Variants in NDST4 observed in about 807,000 individuals in gnomAD.
NDST4 encodes the protein N-deacetylase and N-sulfotransferase 4.
NDST4 carries 63 observed loss-of-function variants against 100.8 expected under a neutral mutation model. The ratio of observed to expected loss-of-function variants is 0.62; its 90% CI spans 0.51 to 0.77. The LOEUF (loss-of-function observed/expected upper bound fraction) is 0.77, where lower values mean the gene tolerates loss of function less well. Among genes scored for constraint, NDST4 ranks in the 30% least tolerant of loss-of-function variants. NDST4 has a pLI of 0.00. For synonymous variants in NDST4, 377 were observed against 361.8 expected (o/e 1.04, Z -0.48); for missense variants, 943 against 1,018.4 (o/e 0.93, Z 1.01).
intron 2 of NDST4, among the ~76,000 whole-genome samples, chr4:115,045,156 C>G (rs1227367095): frequency 6.6e-6 from 1 of 151,984 alleles, no homozygotes; most frequent in East Asian, 1.9e-4. Flanking sequence ...TTTGCATCCT[C>G]AGTCTTAGGG....
At chr4:114,989,583 C>T (rs1419665634) in intron 2 of NDST4, among the ~76,000 whole-genome samples, 1 of 152,038 alleles carries the variant, frequency 6.6e-6, no homozygotes, top group Non-Finnish European at 1.5e-5. Flanking sequence ...GAGTTTTGAG[C>T]AGATACATAA....
intron 4 of NDST4, among the ~76,000 whole-genome samples, chr4:114,954,132 T>A (rs1726083306): frequency 6.6e-6 from 1 of 152,164 alleles, no homozygotes; most frequent in Admixed American, 6.5e-5. Flanking sequence ...TTTTCACTGC[T>A]CTGTCTTCCA....
At chr4:115,004,440 C>T (rs552262112) in intron 2 of NDST4, among the ~76,000 whole-genome samples, 43 of 152,250 alleles carry the variant, frequency 2.8e-4, no homozygotes, top group African/African-American at 9.9e-4. Context: ...ACTGCTTTTG[C>T]AGCTGGCTCA....
chr4:114,926,673 G>A (rs2126221311), intron 6 of NDST4, among the ~76,000 whole-genome samples: 1 of 152,190 alleles, frequency 6.6e-6, no homozygotes, highest in African/African-American at 2.4e-5. Flanking sequence ...CAAACTGAGT[G>A]CTGAAGAAAT....
At chr4:114,836,918 T>A (rs898571613) in intron 11 of NDST4, among the ~76,000 whole-genome samples, 2 of 152,144 alleles carry the variant, frequency 1.3e-5, no homozygotes, top group Non-Finnish European at 2.9e-5. Context: ...CGGCTATTGA[T>A]ACTTGTGTAT....
At chr4:114,981,311 A>G (rs1229443794) in intron 2 of NDST4, among the ~76,000 whole-genome samples, 1 of 152,144 alleles carries the variant, frequency 6.6e-6, no homozygotes, top group Non-Finnish European at 1.5e-5. Context: ...GCCCCTATAT[A>G]GCTACATACT....
chr4:114,939,366 CT>C (rs2126227051), intron 4 of NDST4, among the ~76,000 whole-genome samples: 1 of 152,224 alleles, frequency 6.6e-6, no homozygotes, highest in African/African-American at 2.4e-5. Flanking sequence ...TGTTATCCTC[CT>C]TTTTACTCTC....
chr4:115,024,660 A>AG (rs1727941827), intron 2 of NDST4, among the ~76,000 whole-genome samples: 2 of 151,996 alleles, frequency 1.3e-5, no homozygotes, highest in Non-Finnish European at 2.9e-5. Flanking sequence ...TTCAGATGAG[A>AG]CTCTACTTCT....
chr4:114,990,403 G>A (rs1727011791), intron 2 of NDST4, among the ~76,000 whole-genome samples: 1 of 151,914 alleles, frequency 6.6e-6, no homozygotes, highest in African/African-American at 2.4e-5. Context: ...TCTTTGTATT[G>A]TATAAATGAA....
At position 115,009,530 on chromosome 4, in the gene NDST4, T is replaced by G. The variant is rs1195563702; in HGVS notation, c.979-32256A>C. Among the ~76,000 whole-genome samples, 5 of 121,852 alleles carry G rather than the reference T, an allele frequency of 4.1e-5. 2 individuals are homozygous for G. Among genetic ancestry groups the G allele is most frequent in the African/African-American group, 1.6e-4 (5 of 31,110 alleles). The allele number at this position is 121,852 out of a possible 152,430, so 79.9% of individuals were successfully genotyped here. On this transcript the variant is annotated intron_variant, in intron 2 of 13. Transcript: ENST00000264363. ...CCTTCCTTACACCTTATACAAAAAT[T>G]AATTCAAGATGGATTAAAGACTTAA... is the stretch of plus-strand genomic sequence containing the variant.
chr4:115,089,840 C>T (rs1003925557), intron 1 of NDST4, among the ~76,000 whole-genome samples: 4 of 151,790 alleles, frequency 2.6e-5, no homozygotes, highest in African/African-American at 9.7e-5. Flanking sequence ...CAAATTATCT[C>T]TAAGTTTACT....
intron 1 of NDST4, among the ~76,000 whole-genome samples, chr4:115,093,949 A>G (rs970712379): frequency 1.3e-4 from 20 of 152,034 alleles, no homozygotes; most frequent in Admixed American, 1.0e-3. Context: ...TCAGATATTC[A>G]GATAAGAAAT....
intron 1 of NDST4, among the ~76,000 whole-genome samples, chr4:115,077,617 A>C (rs1578505190): frequency 6.6e-6 from 1 of 152,334 alleles, no homozygotes; most frequent in Middle Eastern, 3.4e-3. Flanking sequence ...AGTTACCATA[A>C]AACTATTCTA....
intron 3 of NDST4, among the ~76,000 whole-genome samples, chr4:114,972,398 T>G (rs279525): frequency 6.6e-6 from 1 of 151,814 alleles, no homozygotes; most frequent in Non-Finnish European, 1.5e-5. Context: ...TACACAGAGT[T>G]AAGAAATTCT....
intron 2 of NDST4, among the ~76,000 whole-genome samples, chr4:115,058,960 T>C (rs1339712102): frequency 1.3e-5 from 2 of 149,122 alleles, no homozygotes; most frequent in Non-Finnish European, 3.0e-5. Context: ...TAGCTGAAAC[T>C]GTGGAAAGAG....
In NDST4 at chr4:115,032,840, T is replaced by A. The variant is rs1230781513; in HGVS notation, c.978+43219A>T. On this transcript the variant is annotated intron_variant, in intron 2 of 13. Coordinates refer to ENST00000264363, the MANE Select transcript of NDST4 (RefSeq NM_022569.3). ...GTTGGAAGATGACTAATGATGTGTTTTGAGTTTCCCAAGACATACTGTTTT... is the reference window on the plus strand; with the variant it reads ...GTTGGAAGATGACTAATGATGTGTTATGAGTTTCCCAAGACATACTGTTTT... Among the ~76,000 whole-genome samples the A allele has an allele frequency of 2.0e-5, 3 of 151,996 alleles. No homozygotes were observed. The East Asian group carries it at 5.8e-4, about 29-fold the overall frequency.
chr4:114,905,014 GC>G (rs1436947152), intron 6 of NDST4, among the ~76,000 whole-genome samples: 2 of 151,778 alleles, frequency 1.3e-5, no homozygotes, highest in African/African-American at 4.8e-5. Context: ...ATCAAACCAG[GC>G]TGAAAAATGA....
At chr4:114,966,071 T>G (rs763680814) in intron 4 of NDST4, among the ~76,000 whole-genome samples, 16 of 152,046 alleles carry the variant, frequency 1.1e-4, no homozygotes, top group Non-Finnish European at 1.5e-4. Flanking sequence ...ACTGCCATAC[T>G]AAGAAGGGTA....
intron 2 of NDST4, among the ~76,000 whole-genome samples, chr4:115,060,748 T>TAC (rs1728802339): frequency 6.6e-6 from 1 of 151,786 alleles, no homozygotes; most frequent in East Asian, 1.9e-4. Flanking sequence ...CACACAAAAA[T>TAC]ACACACACAC....
Sources: gnomAD v4.1 joint callset for allele counts (sites outside exome capture counted in the v4.1 genomes callset) on GRCh38, gnomAD v4.1.1 for gene constraint, MANE v1.5 for transcripts, NCBI Gene and HGNC (gene_info 2026-07-23, HGNC 2026-07-21) for gene names.